RFX7: variants seen among roughly 807,000 people sequenced by gnomAD.
The protein encoded by RFX7 is DNA-binding protein RFX7.
Under a neutral mutation model 111.8 loss-of-function variants are expected in RFX7, and 26 were observed. The observed-to-expected ratio is 0.23, with a 90% CI of 0.17 to 0.32. The LOEUF (loss-of-function observed/expected upper bound fraction) is 0.32, where lower values mean the gene tolerates loss of function less well. Among genes scored for constraint, RFX7 ranks in the 10% least tolerant of loss-of-function variants. The probability of loss-of-function intolerance (pLI) is 1.00; values close to 1 mark genes in which losing one functional copy is unlikely to be tolerated. For missense variants in RFX7, 1,573 were observed against 1,772.9 expected (o/e 0.89, Z 2.02); for synonymous variants, 624 against 624.4 (o/e 1.00, Z 0.01).
intron 2 of RFX7, among the ~76,000 whole-genome samples, chr15:56,228,569 A>G (rs2043511660): frequency 6.6e-6 from 1 of 152,184 alleles, no homozygotes; most frequent in African/African-American, 2.4e-5. Context: ...ACTAAACACT[A>G]TGTGTTTAAT....
intron 2 of RFX7, among the ~76,000 whole-genome samples, chr15:56,242,848 G>C (rs546301160): frequency 6.6e-6 from 1 of 152,248 alleles, no homozygotes; most frequent in East Asian, 1.9e-4. Flanking sequence ...CCATATTTCT[G>C]TTACAATGAG....
At chr15:56,098,424 G>A (rs1461213204) in intron 8 of RFX7, 48 bp from the exon 9 acceptor site, 4 of 1,502,726 alleles carry the variant, frequency 2.7e-6, no homozygotes, top group East Asian at 2.4e-5. Context: ...CTCCTTTATA[G>A]AAGGGAGGTT....
chr15:56,156,256 G>T (rs2042651169), intron 3 of RFX7, among the ~76,000 whole-genome samples: 1 of 152,026 alleles, frequency 6.6e-6, no homozygotes, highest in Non-Finnish European at 1.5e-5. Context: ...CAGCCAAATG[G>T]AAACTCTTTC....
At chr15:56,228,977 T>C (rs928594874) in intron 2 of RFX7, among the ~76,000 whole-genome samples, 1 of 152,196 alleles carries the variant, frequency 6.6e-6, no homozygotes, top group African/African-American at 2.4e-5. Context: ...TTATAATACA[T>C]AGTAAAATAA....
intron 5 of RFX7, among the ~76,000 whole-genome samples, chr15:56,121,539 T>C (rs770201544): frequency 6.6e-6 from 1 of 152,204 alleles, no homozygotes; most frequent in Admixed American, 6.5e-5. Context: ...TTTCTGTAAC[T>C]TTCTTGTACT....
At chr15:56,221,960 G>C (rs2043431283) in intron 2 of RFX7, among the ~76,000 whole-genome samples, 1 of 152,058 alleles carries the variant, frequency 6.6e-6, no homozygotes, top group South Asian at 2.1e-4. Context: ...ATCAATTCTG[G>C]TTCTCTTCAC....
At position 56,119,263 on chromosome 15, in the gene RFX7, A is replaced by C. The variant is rs2042045589; in HGVS notation, c.402-15593T>G. Among the ~76,000 whole-genome samples the C allele has an allele frequency of 3.3e-5, 5 of 152,196 alleles. No individual in the cohort carries two copies. The South Asian group carries it at 1.0e-3, about 31-fold the overall frequency. ...GGTATTGCTCAAGAAATTTTTGCACAGTGCAATGTCCTGGAGTTTCCCTAG... is the reference window on the plus strand; with the variant it reads ...GGTATTGCTCAAGAAATTTTTGCACCGTGCAATGTCCTGGAGTTTCCCTAG... On this transcript the variant is annotated intron_variant, in intron 5 of 9. Transcript: ENST00000559447.
At chr15:56,215,139 C>T (rs1309302403) in intron 2 of RFX7, among the ~76,000 whole-genome samples, 2 of 152,212 alleles carry the variant, frequency 1.3e-5, no homozygotes, top group African/African-American at 4.8e-5. Context: ...ACAGTATTTG[C>T]ATATAACCTA....
At chr15:56,144,252 C>A (rs1188660396) in intron 4 of RFX7, 149 bp downstream of exon 4, 3 of 241,574 alleles carry the variant, frequency 1.2e-5, no homozygotes, top group African/African-American at 4.4e-5. Flanking sequence ...TCACCAAAGA[C>A]TAAAATGATG....
At chr15:56,148,667 A>G (rs1281487342) in intron 3 of RFX7, among the ~76,000 whole-genome samples, 3 of 152,236 alleles carry the variant, frequency 2.0e-5, no homozygotes, top group Admixed American at 6.5e-5. Context: ...AACATGGGAC[A>G]GAGACAGTAT....
intron 5 of RFX7, among the ~76,000 whole-genome samples, chr15:56,118,980 C>A (rs1185714666): frequency 6.6e-6 from 1 of 152,152 alleles, no homozygotes; most frequent in Non-Finnish European, 1.5e-5. Context: ...TTTTTGCCAT[C>A]TGTATGTCTT....
At chr15:56,120,572 T>G (rs1191574095) in intron 5 of RFX7, among the ~76,000 whole-genome samples, 3 of 152,214 alleles carry the variant, frequency 2.0e-5, no homozygotes, top group Non-Finnish European at 2.9e-5. Context: ...GTTCCAGATC[T>G]TAGAGGAAAG....
At chr15:56,107,704 CTTTA>C (rs570448474) in intron 5 of RFX7, among the ~76,000 whole-genome samples, 4 of 152,078 alleles carry the variant, frequency 2.6e-5, no homozygotes, top group Non-Finnish European at 2.9e-5. Flanking sequence ...GCACTAATCC[CTTTA>C]TTTAACAGAT....
Position 56,243,534 on chromosome 15 carries a change from C to A in RFX7, c.-92G>T. On this transcript the variant is annotated 5_prime_UTR_variant, in exon 1 of 10. Transcript: ENST00000559447. Reference sequence around the variant, plus strand: ...TCCTCACGGCCGGGGCGCTTCACCGCGGGAGAGGCATGGCGGCGCCCCTCA... The same window carrying A: ...TCCTCACGGCCGGGGCGCTTCACCGAGGGAGAGGCATGGCGGCGCCCCTCA... 2.0e-6 allele frequency: 2 copies of A among 983,182 alleles called. No homozygotes were observed. Among genetic ancestry groups the A allele is most frequent in the South Asian group, 9.4e-5 (2 of 21,202 alleles). The allele number at this position is 983,182 out of a possible 1,614,324, so 60.9% of individuals were successfully genotyped here.
intron 3 of RFX7, among the ~76,000 whole-genome samples, chr15:56,152,937 T>G (rs1489316014): frequency 6.6e-6 from 1 of 152,198 alleles, no homozygotes; most frequent in African/African-American, 2.4e-5. Context: ...AAAACCTCTA[T>G]GCAAATAAAC....
intron 2 of RFX7, among the ~76,000 whole-genome samples, chr15:56,181,532 A>G (rs1467070115): frequency 6.6e-6 from 1 of 152,188 alleles, no homozygotes; most frequent in Non-Finnish European, 1.5e-5. Context: ...ATCATCTGGT[A>G]TATGTAAGGA....
At chr15:56,243,066 C>CCCAGTTG in intron 2 of RFX7, 59 bp downstream of exon 2, 2 of 1,161,764 alleles carry the variant, frequency 1.7e-6, no homozygotes, top group Non-Finnish European at 2.3e-6. Context: ...GCCCCCCACC[C>CCCAGTTG]ACTTTGCAGC....
At chr15:56,096,704 T>G in intron 9 of RFX7, 84 bp from the exon 10 acceptor site, 1 of 1,372,006 alleles carries the variant, frequency 7.3e-7, no homozygotes, top group South Asian at 1.6e-5. Context: ...TTTTAAGTCA[T>G]TTATTAAATG....
At chr15:56,147,621 T>C (rs1185700924) in intron 3 of RFX7, among the ~76,000 whole-genome samples, 8 of 152,112 alleles carry the variant, frequency 5.3e-5, no homozygotes, top group Admixed American at 2.0e-4. Context: ...TCGCCCAGGC[T>C]GGAGTGCAGT....
Sources: gnomAD v4.1 joint callset for allele counts (sites outside exome capture counted in the v4.1 genomes callset) on GRCh38, gnomAD v4.1.1 for gene constraint, MANE v1.5 for transcripts, NCBI Gene and HGNC (gene_info 2026-07-23, HGNC 2026-07-21) for gene names.